JAZF1: variants seen among roughly 807,000 people sequenced by gnomAD.
The protein encoded by JAZF1 is juxtaposed with another zinc finger protein 1.
A neutral mutation model predicts 26.4 loss-of-function variants in JAZF1; 8 were observed. That is an observed-to-expected ratio of 0.30 (90% confidence interval 0.18 to 0.55). JAZF1 has a LOEUF of 0.55. Among genes scored for constraint, JAZF1 ranks in the 20% least tolerant of loss-of-function variants. The pLI is 0.94. For synonymous variants in JAZF1, 126 were observed against 122.3 expected, an observed-to-expected ratio of 1.03 and a Z score of -0.20; for missense variants, 199 against 322.0, an observed-to-expected ratio of 0.62 and a Z score of 2.92.
At chr7:27,858,990 G>T (rs1296536498) in intron 3 of JAZF1, among the ~76,000 whole-genome samples, 2 of 151,968 alleles carry the variant, frequency 1.3e-5, no homozygotes, top group African/African-American at 4.8e-5. Context: ...TCTGACAAAG[G>T]GCTAATATCC....
intron 1 of JAZF1, among the ~76,000 whole-genome samples, chr7:28,093,531 T>C (rs1362701415): frequency 2.0e-5 from 3 of 152,208 alleles, no homozygotes; most frequent in Non-Finnish European, 4.4e-5. Flanking sequence ...AAATTACTGA[T>C]TGGATAACTT....
chr7:28,080,406 A>G (rs902570027), intron 1 of JAZF1, among the ~76,000 whole-genome samples: 67 of 152,192 alleles, frequency 4.4e-4, no homozygotes, highest in African/African-American at 1.5e-3. Flanking sequence ...TCATGTGTTC[A>G]CTGGAGTAAC....
intron 3 of JAZF1, among the ~76,000 whole-genome samples, chr7:27,871,251 C>G (rs1282988098): frequency 6.6e-6 from 1 of 152,222 alleles, no homozygotes; most frequent in African/African-American, 2.4e-5. Flanking sequence ...TAGAGACATA[C>G]AGGTCAACCT....
intron 1 of JAZF1, among the ~76,000 whole-genome samples, chr7:28,090,777 C>A (rs958918465): frequency 6.6e-6 from 1 of 150,542 alleles, no homozygotes; most frequent in African/African-American, 2.4e-5. Flanking sequence ...CCTATTCAAG[C>A]TCTTATTTTT....
At chr7:28,009,297 C>T (rs1782757875) in intron 1 of JAZF1, among the ~76,000 whole-genome samples, 1 of 151,850 alleles carries the variant, frequency 6.6e-6, no homozygotes, top group Non-Finnish European at 1.5e-5. Flanking sequence ...GTCAATCTCT[C>T]CTCCCTTCAG....
chr7:28,080,410 G>A (rs1784115902), intron 1 of JAZF1, among the ~76,000 whole-genome samples: 1 of 152,176 alleles, frequency 6.6e-6, no homozygotes, highest in Non-Finnish European at 1.5e-5. Flanking sequence ...GTGTTCACTG[G>A]AGTAACACTT....
At chr7:27,952,953 T>G (rs1785036038) in intron 2 of JAZF1, among the ~76,000 whole-genome samples, 1 of 152,234 alleles carries the variant, frequency 6.6e-6, no homozygotes, top group Non-Finnish European at 1.5e-5. Flanking sequence ...AAGAGCTTCA[T>G]AAGATTAAGC....
chr7:27,896,550 T>C (rs1784066572), intron 2 of JAZF1, among the ~76,000 whole-genome samples: 2 of 152,252 alleles, frequency 1.3e-5, no homozygotes, highest in East Asian at 1.9e-4. Context: ...ATATAATTTA[T>C]CATAAGCTCA....
At chr7:28,069,809 G>A (rs547637185) in intron 1 of JAZF1, among the ~76,000 whole-genome samples, 24 of 152,240 alleles carry the variant, frequency 1.6e-4, no homozygotes, top group African/African-American at 4.1e-4. Flanking sequence ...CATGCTGAGC[G>A]TTGAGCCGTG....
chr7:27,998,839 C>T (rs1786075243), intron 1 of JAZF1, among the ~76,000 whole-genome samples: 1 of 152,238 alleles, frequency 6.6e-6, no homozygotes, highest in South Asian at 2.1e-4. Context: ...GATCAGCCGG[C>T]TGCTGCAACC....
intron 2 of JAZF1, among the ~76,000 whole-genome samples, chr7:27,942,797 T>A (rs141940854): frequency 6.6e-6 from 1 of 152,272 alleles, no homozygotes; most frequent in African/African-American, 2.4e-5. Context: ...TAAGGAACAA[T>A]CAACAATAAG....
At position 27,881,841 on chromosome 7, in the gene JAZF1, G is replaced by C. The variant is rs576873045; in HGVS notation, c.385+13379C>G. Among the ~76,000 whole-genome samples, 20 of 152,298 alleles carry C rather than the reference G, an allele frequency of 1.3e-4. No individual in the cohort carries two copies. In the East Asian group the frequency reaches 2.3e-3, roughly 18 times the overall value. ...CCATTTTCAAGTCAAACATTCTGATGAGACTTTTAACTATACAGTGACACA... is the reference window on the plus strand; with the variant it reads ...CCATTTTCAAGTCAAACATTCTGATCAGACTTTTAACTATACAGTGACACA... On this transcript the variant is annotated intron_variant, in intron 3 of 4. Transcript: ENST00000283928.
intron 1 of JAZF1, among the ~76,000 whole-genome samples, chr7:28,167,232 G>A (rs954072246): frequency 6.6e-6 from 1 of 152,150 alleles, no homozygotes; most frequent in Non-Finnish European, 1.5e-5. Context: ...ATGCATAACC[G>A]CTTCACAGTA....
chr7:27,993,512 G>A (rs1785949132), intron 1 of JAZF1, among the ~76,000 whole-genome samples: 1 of 152,184 alleles, frequency 6.6e-6, no homozygotes, highest in Admixed American at 6.5e-5. Flanking sequence ...GCTTCTGAGA[G>A]AAAGATACTT....
intron 3 of JAZF1, among the ~76,000 whole-genome samples, chr7:27,875,505 G>A (rs1239261624): frequency 6.6e-6 from 1 of 152,126 alleles, no homozygotes; most frequent in Non-Finnish European, 1.5e-5. Context: ...ATCTGGGCAT[G>A]TTTCCCCCAC....
chr7:28,007,046 C>T (rs184487583), intron 1 of JAZF1, among the ~76,000 whole-genome samples: 2 of 152,304 alleles, frequency 1.3e-5, no homozygotes, highest in Admixed American at 1.3e-4. Context: ...TTGCCTAATT[C>T]CCACTCTTTA....
chr7:27,894,259 C>T (rs1326235683), intron 3 of JAZF1, among the ~76,000 whole-genome samples: 1 of 152,144 alleles, frequency 6.6e-6, no homozygotes, highest in Admixed American at 6.5e-5. Context: ...TCTTGAAATC[C>T]TGGCCTCAGG....
chr7:28,064,210 T>C (rs1472532708), intron 1 of JAZF1, among the ~76,000 whole-genome samples: 2 of 152,104 alleles, frequency 1.3e-5, no homozygotes, highest in Non-Finnish European at 2.9e-5. Flanking sequence ...GGCTATATAT[T>C]TACTTATTTT....
At chr7:28,161,468 C>A (rs1307249000) in intron 1 of JAZF1, among the ~76,000 whole-genome samples, 1 of 152,162 alleles carries the variant, frequency 6.6e-6, no homozygotes, top group Non-Finnish European at 1.5e-5. Context: ...GTTTCAACTA[C>A]TGGCCCTCTT....
Sources: allele counts gnomAD v4.1 joint callset (sites outside exome capture counted in the v4.1 genomes callset), GRCh38; gene constraint gnomAD v4.1.1; transcripts MANE v1.5; gene names NCBI Gene and HGNC (gene_info 2026-07-23, HGNC 2026-07-21).